The following ICA1 variants were observed in gnomAD, a reference collection of about 807,000 sequenced individuals.
The protein encoded by ICA1 is islet cell autoantigen 1.
A neutral mutation model predicts 71.0 loss-of-function variants in ICA1; 40 were observed. The observed-to-expected ratio is 0.56, with a 90% CI of 0.44 to 0.73. ICA1 has a LOEUF of 0.73. ICA1 is among the 30% of genes least tolerant of loss of function. The probability of loss-of-function intolerance (pLI) is 0.00; values close to 1 mark genes in which losing one functional copy is unlikely to be tolerated. For missense variants in ICA1, 578 were observed against 576.5 expected (o/e 1.00, Z -0.03); for synonymous variants, 207 against 209.5 (o/e 0.99, Z 0.10).
intron 6 of ICA1, among the ~76,000 whole-genome samples, chr7:8,192,813 T>A (rs1786145414): frequency 6.6e-6 from 1 of 152,194 alleles, no homozygotes; most frequent in South Asian, 2.1e-4. Flanking sequence ...CTAAAATTAT[T>A]TATTTAAATT....
chr7:8,150,741 C>T (rs764037569), intron 8 of ICA1, among the ~76,000 whole-genome samples: 1 of 152,204 alleles, frequency 6.6e-6, no homozygotes, highest in Non-Finnish European at 1.5e-5. Context: ...ACAAATCATG[C>T]TTTTTTGCCT....
rs113291024 is a variant in ICA1 at position 8,118,703 on chromosome 7, A to G, written c.1331-4659T>C. ...TCATAGAAAAGCTGAGAAGTATTGAATCTAACTGGTAACTGTCACCCTTTC... is the reference window on the plus strand; with the variant it reads ...TCATAGAAAAGCTGAGAAGTATTGAGTCTAACTGGTAACTGTCACCCTTTC... On this transcript the variant is annotated intron_variant, in intron 13 of 13. Coordinates refer to ENST00000402384, the MANE Select transcript of ICA1 (RefSeq NM_001136020.3). Among the ~76,000 whole-genome samples, 16 of 152,308 alleles carry G rather than the reference A, an allele frequency of 1.1e-4. 1 individual carries two copies. The highest frequency in any genetic ancestry group is 4.6e-4 in the Admixed American group (7 of 15,302).
At position 8,113,775 on chromosome 7, in the gene ICA1, T is replaced by A; in HGVS notation, c.*148A>T. 1.3e-6 allele frequency: 1 copy of A among 750,708 alleles called. No individual in the cohort carries two copies. The highest frequency in any genetic ancestry group is 2.2e-6 in the Non-Finnish European group (1 of 458,424). 46.5% of individuals were successfully genotyped at this position (750,708 alleles called of 1,614,324 possible). ...TATACCAAATAAGAGTAAATAATTATACCAATATAAACAGGGCCGTTGACC... is the reference window on the plus strand; with the variant it reads ...TATACCAAATAAGAGTAAATAATTAAACCAATATAAACAGGGCCGTTGACC... On this transcript the variant is annotated 3_prime_UTR_variant, in exon 14 of 14. Transcript: ENST00000402384. The surrounding 1 kb of genome is among the most constrained non-coding windows in gnomAD (Gnocchi z 4.2).
intron 6 of ICA1, among the ~76,000 whole-genome samples, chr7:8,172,625 A>G (rs147196155): frequency 1.3e-3 from 199 of 152,292 alleles, no homozygotes; most frequent in African/African-American, 4.5e-3. Flanking sequence ...TTAGATTTAA[A>G]ATAAACTCAT....
chr7:8,169,901 A>AGTGTGTGT (rs58794085), intron 6 of ICA1, among the ~76,000 whole-genome samples: 40,683 of 147,012 alleles, frequency 0.28, 6,229 homozygotes, highest in African/African-American at 0.43. Context: ...TTAATGCCTG[A>AGTGTGTGT]GTGTGTGTGT....
intron 7 of ICA1, chr7:8,158,265 T>G (rs1562743806): frequency 2.3e-6 from 1 of 433,586 alleles, no homozygotes. Context: ...AAGGCACGGA[T>G]GGAGGAGAAA....
At chr7:8,150,909 C>T (rs1011171876) in intron 8 of ICA1, among the ~76,000 whole-genome samples, 3 of 152,220 alleles carry the variant, frequency 2.0e-5, no homozygotes, top group Non-Finnish European at 4.4e-5. Context: ...AGGAGCATCC[C>T]AATTCCCAAT....
chr7:8,155,095 G>A lies in ICA1; in HGVS notation c.804+2021C>T, dbSNP rs187616582. 1.1e-3 allele frequency among the ~76,000 whole-genome samples: 165 copies of A among 152,198 alleles called. 1 individual carries two copies. The highest frequency in any genetic ancestry group is 1.8e-3 in the Non-Finnish European group (125 of 68,002). On this transcript the variant is annotated intron_variant, in intron 8 of 13. Transcript: ENST00000402384. ...CCTAGATGAAAACCATTCTAGAGAG[G>A]TAACAAAAGAACAAAAGTACAGTTT...
At chr7:8,137,216 T>C (rs1296007232) in intron 12 of ICA1, among the ~76,000 whole-genome samples, 1 of 152,190 alleles carries the variant, frequency 6.6e-6, no homozygotes. Context: ...TTTTTTATTA[T>C]AAGTCGGCTT....
intron 6 of ICA1, among the ~76,000 whole-genome samples, chr7:8,199,186 A>C (rs1220078435): frequency 6.6e-6 from 1 of 152,228 alleles, no homozygotes; most frequent in Non-Finnish European, 1.5e-5. Flanking sequence ...AGAAAACTAA[A>C]AGTAGAGCTA....
intron 4 of ICA1, among the ~76,000 whole-genome samples, chr7:8,224,952 A>T (rs1227234105): frequency 6.6e-6 from 1 of 152,240 alleles, no homozygotes; most frequent in African/African-American, 2.4e-5. Flanking sequence ...ACAGCATCAG[A>T]GGTTACATGA....
chr7:8,113,849 C>G lies in ICA1; in HGVS notation c.*74G>C, dbSNP rs1206175907. 9 of 1,497,696 alleles carry G rather than the reference C, an allele frequency of 6.0e-6. 1 individual carries two copies. The East Asian group carries it at 1.8e-4, about 30-fold the overall frequency. 92.8% of individuals were successfully genotyped at this position (1,497,696 alleles called of 1,614,324 possible). A position where few individuals can be genotyped will look rare whatever the true frequency, so the allele number is the denominator to read the frequency against. On this transcript the variant is annotated 3_prime_UTR_variant, in exon 14 of 14. Transcript: ENST00000402384. The surrounding 1 kb of genome is among the most constrained non-coding windows in gnomAD (Gnocchi z 4.2). ...ATAATTATTAAAACAGCATACTGATCACTTTATACTTCTGCTAGCCCCCAG... is the reference window on the plus strand; with the variant it reads ...ATAATTATTAAAACAGCATACTGATGACTTTATACTTCTGCTAGCCCCCAG...
intron 8 of ICA1, among the ~76,000 whole-genome samples, chr7:8,153,558 C>T (rs1200478526): frequency 3.3e-5 from 5 of 152,056 alleles, no homozygotes; most frequent in Non-Finnish European, 5.9e-5. Flanking sequence ...AAGTAAATGA[C>T]ATCCTCGAAA....
chr7:8,244,212 T>C (rs1217782633), intron 1 of ICA1, among the ~76,000 whole-genome samples: 1 of 152,136 alleles, frequency 6.6e-6, no homozygotes, highest in African/African-American at 2.4e-5. Flanking sequence ...AAAACAGAGA[T>C]ATAGACCAAT....
intron 12 of ICA1, among the ~76,000 whole-genome samples, chr7:8,137,512 T>A (rs1193680861): frequency 1.3e-5 from 2 of 152,216 alleles, no homozygotes; most frequent in African/African-American, 4.8e-5. Context: ...AAAAAATAAT[T>A]TGTGAAAGAC....
At chr7:8,175,725 T>C (rs760799290) in intron 6 of ICA1, among the ~76,000 whole-genome samples, 21 of 152,296 alleles carry the variant, frequency 1.4e-4, no homozygotes, top group East Asian at 1.2e-3. Context: ...AAACGGGGAT[T>C]ATGGGTTCAA....
intron 6 of ICA1, among the ~76,000 whole-genome samples, chr7:8,170,077 T>C (rs762996342): frequency 3.9e-5 from 6 of 152,160 alleles, no homozygotes; most frequent in East Asian, 1.9e-4. Flanking sequence ...GGGACAAAGA[T>C]GTAGGCTCAT....
intron 1 of ICA1, among the ~76,000 whole-genome samples, chr7:8,243,113 A>T (rs1340509423): frequency 6.6e-6 from 1 of 152,208 alleles, no homozygotes. Context: ...GACACAACAA[A>T]AAAAGGGAAT....
chr7:8,246,934 G>C (rs1806244973), intron 1 of ICA1, among the ~76,000 whole-genome samples: 1 of 152,090 alleles, frequency 6.6e-6, no homozygotes, highest in African/African-American at 2.4e-5. Context: ...TTTTAGTAGA[G>C]ATGGGGTTTC....
Sources: gnomAD v4.1 joint callset for allele counts (sites outside exome capture counted in the v4.1 genomes callset) on GRCh38, gnomAD v4.1.1 for gene constraint, Gnocchi (gnomAD v3.1) non-coding constraint, MANE v1.5 for transcripts, NCBI Gene and HGNC (gene_info 2026-07-23, HGNC 2026-07-21) for gene names.